The following DPYD variants were observed in gnomAD, a reference collection of about 807,000 sequenced individuals.
The protein encoded by DPYD is dihydropyrimidine dehydrogenase [NADP(+)].
A neutral mutation model predicts 116.2 loss-of-function variants in DPYD; 109 were observed. That is an observed-to-expected ratio of 0.94 (90% CI 0.80 to 1.10). DPYD has a LOEUF of 1.10. DPYD is among the 50% of genes least tolerant of loss of function. DPYD has a pLI of 0.00. For synonymous variants in DPYD, 440 were observed against 432.0 expected, an observed-to-expected ratio of 1.02 and a Z score of -0.23; for missense variants, 1,302 against 1,254.5, an observed-to-expected ratio of 1.04 and a Z score of -0.57.
chr1:97,101,864 G>A (rs1007564039), intron 20 of DPYD, among the ~76,000 whole-genome samples: 15 of 151,944 alleles, frequency 9.9e-5, no homozygotes, highest in Non-Finnish European at 1.8e-4. Context: ...AATGGTGTGA[G>A]TTTTGTTTCA....
intron 14 of DPYD, among the ~76,000 whole-genome samples, chr1:97,438,774 T>G (rs1675601152): frequency 6.6e-6 from 1 of 152,084 alleles, no homozygotes; most frequent in African/African-American, 2.4e-5. Context: ...ATTAAGTGAT[T>G]TTTTTGGTTG....
At chr1:97,343,764 T>C (rs542594711) in intron 16 of DPYD, among the ~76,000 whole-genome samples, 2 of 152,014 alleles carry the variant, frequency 1.3e-5, no homozygotes, top group Admixed American at 6.6e-5. Flanking sequence ...CTTTCTTTTG[T>C]GGTCAGGTAT....
chr1:97,161,111 G>A (rs1355082678), intron 20 of DPYD, among the ~76,000 whole-genome samples: 9 of 152,042 alleles, frequency 5.9e-5, no homozygotes, highest in Admixed American at 3.9e-4. Flanking sequence ...CTTCCTTCTG[G>A]ATCTCATTCA....
At chr1:97,533,273 A>G (rs1649772119) in intron 12 of DPYD, among the ~76,000 whole-genome samples, 1 of 152,128 alleles carries the variant, frequency 6.6e-6, no homozygotes, top group African/African-American at 2.4e-5. Context: ...TAGTTATAAT[A>G]TTATCTGTTA....
chr1:97,114,174 G>T (rs1046720862), intron 20 of DPYD, among the ~76,000 whole-genome samples: 1 of 152,114 alleles, frequency 6.6e-6, no homozygotes, highest in East Asian at 1.9e-4. Context: ...AGAAAACGAT[G>T]AGTGACTATC....
chr1:97,416,826 A>T (rs1373447216), intron 14 of DPYD, among the ~76,000 whole-genome samples: 1 of 152,010 alleles, frequency 6.6e-6, no homozygotes, highest in East Asian at 1.9e-4. Context: ...TGCTCATCGA[A>T]CCCCCTTTTA....
intron 3 of DPYD, among the ~76,000 whole-genome samples, chr1:97,762,165 T>TA (rs1665609728): frequency 6.6e-6 from 1 of 151,930 alleles, no homozygotes; most frequent in Non-Finnish European, 1.5e-5. Flanking sequence ...AAATAAAAGT[T>TA]AAAAAAAGAA....
intron 14 of DPYD, among the ~76,000 whole-genome samples, chr1:97,392,205 T>A (rs955850): frequency 6.6e-6 from 1 of 151,798 alleles, no homozygotes; most frequent in Non-Finnish European, 1.5e-5. Flanking sequence ...TCCCAGTGCA[T>A]AAAAGTTATG....
intron 20 of DPYD, among the ~76,000 whole-genome samples, chr1:97,110,017 A>G (rs1651476341): frequency 6.6e-6 from 1 of 152,022 alleles, no homozygotes; most frequent in Admixed American, 6.6e-5. Context: ...AATTCATCTC[A>G]AATCTAGGTC....
At position 97,323,671 on chromosome 1, in the gene DPYD, CAT is replaced by C. The variant is rs201887650; in HGVS notation, c.2059-17376_2059-17375del. 5.6e-4 allele frequency among the ~76,000 whole-genome samples: 26 copies of C among 46,846 alleles called. 1 individual carries two copies. The East Asian group carries it at 1.0e-2, about 18-fold the overall frequency. The allele number at this position is 46,846 out of a possible 152,430, so 30.7% of individuals were successfully genotyped here. On this transcript the variant is annotated intron_variant, in intron 16 of 22. Transcript: ENST00000370192. The stretch of plus-strand genomic sequence containing the variant: ...TATATATACACGTATATATACATAT[CAT>C]ATATATACATATATGTGTATATATA...
intron 8 of DPYD, among the ~76,000 whole-genome samples, chr1:97,632,486 T>C (rs923425729): frequency 6.6e-6 from 1 of 152,132 alleles, no homozygotes; most frequent in African/African-American, 2.4e-5. Context: ...CTTCTAAACT[T>C]GCTGAAACCT....
intron 5 of DPYD, among the ~76,000 whole-genome samples, 161 bp from the exon 6 acceptor site, chr1:97,699,708 G>A (rs1661489889): frequency 6.6e-6 from 1 of 152,002 alleles, no homozygotes. Context: ...TCAAGTAGAT[G>A]AGGAGTTATG....
intron 16 of DPYD, among the ~76,000 whole-genome samples, chr1:97,326,606 T>A (rs1451835010): frequency 6.6e-6 from 1 of 151,808 alleles, no homozygotes; most frequent in Non-Finnish European, 1.5e-5. Flanking sequence ...CTAAAAAAGA[T>A]GTGGATGAAA....
chr1:97,219,118 T>A (rs913435049), intron 19 of DPYD, among the ~76,000 whole-genome samples: 11 of 152,190 alleles, frequency 7.2e-5, no homozygotes, highest in Non-Finnish European at 1.0e-4. Flanking sequence ...AAGCTTATAA[T>A]TCAGTGTTAT....
At chr1:97,763,082 T>C (rs1665664675) in intron 3 of DPYD, among the ~76,000 whole-genome samples, 1 of 152,074 alleles carries the variant, frequency 6.6e-6, no homozygotes, top group South Asian at 2.1e-4. Context: ...GCATGAAAGG[T>C]ATTTCCTAAT....
At chr1:97,247,552 T>C (rs1455563418) in intron 18 of DPYD, among the ~76,000 whole-genome samples, 2 of 152,210 alleles carry the variant, frequency 1.3e-5, no homozygotes, top group Non-Finnish European at 2.9e-5. Flanking sequence ...GTGATTTGTA[T>C]AGCCACTGAG....
chr1:97,752,292 A>ACC (rs1002065399), intron 3 of DPYD, among the ~76,000 whole-genome samples: 24 of 58,430 alleles, frequency 4.1e-4, no homozygotes, highest in Admixed American at 8.4e-4. Flanking sequence ...AACCTACTTC[A>ACC]CACACACACA....
chr1:97,368,773 T>C (rs1025427293), intron 16 of DPYD, among the ~76,000 whole-genome samples: 6 of 152,232 alleles, frequency 3.9e-5, no homozygotes, highest in African/African-American at 1.4e-4. Context: ...TGTTTGAGAA[T>C]GAGCACATAT....
At chr1:97,436,460 T>C (rs1675477322) in intron 14 of DPYD, among the ~76,000 whole-genome samples, 1 of 151,834 alleles carries the variant, frequency 6.6e-6, no homozygotes, top group African/African-American at 2.4e-5. Context: ...CACTGCATCA[T>C]TGCCATCCCC....
Sources: allele counts gnomAD v4.1 joint callset (sites outside exome capture counted in the v4.1 genomes callset), GRCh38; gene constraint gnomAD v4.1.1; transcripts MANE v1.5; gene names NCBI Gene and HGNC (gene_info 2026-07-23, HGNC 2026-07-21).